The following TBCEL variants were observed in gnomAD, a reference collection of about 807,000 sequenced individuals.
The protein encoded by TBCEL is tubulin folding cofactor E like, also known as tubulin-specific chaperone cofactor E-like protein.
In TBCEL, 15 loss-of-function variants were observed where a neutral mutation model predicts 44.2. That is an observed-to-expected ratio of 0.34 (90% confidence interval 0.23 to 0.52). The LOEUF (loss-of-function observed/expected upper bound fraction) is 0.52, where lower values mean the gene tolerates loss of function less well. TBCEL is among the 20% of genes least tolerant of loss of function. The probability of loss-of-function intolerance (pLI) is 0.95; values close to 1 mark genes in which losing one functional copy is unlikely to be tolerated. For synonymous variants in TBCEL, 171 were observed against 185.4 expected, an observed-to-expected ratio of 0.92 and a Z score of 0.63; for missense variants, 319 against 506.3, an observed-to-expected ratio of 0.63 and a Z score of 3.55.
intron 8 of TBCEL, among the ~76,000 whole-genome samples, chr11:121,067,430 C>T (rs1945840458): frequency 6.6e-6 from 1 of 152,148 alleles, no homozygotes; most frequent in African/African-American, 2.4e-5. Context: ...TTTTTATTGC[C>T]TTCTGATAGG....
chr11:121,040,162 C>CTT (rs1003224902), intron 2 of TBCEL, among the ~76,000 whole-genome samples: 6 of 152,124 alleles, frequency 3.9e-5, no homozygotes, highest in Admixed American at 2.0e-4. Flanking sequence ...AAGCACCTCT[C>CTT]TTTCCTTTTT....
chr11:121,030,872 ATTT>A (rs67391664), intron 1 of TBCEL, among the ~76,000 whole-genome samples: 4,043 of 144,418 alleles, frequency 0.028, 187 homozygotes, highest in African/African-American at 0.094. Flanking sequence ...TATTCTTGTG[ATTT>A]TTTTTTTTTT....
intron 8 of TBCEL, among the ~76,000 whole-genome samples, chr11:121,067,961 G>A (rs1378376332): frequency 6.6e-6 from 1 of 152,164 alleles, no homozygotes; most frequent in East Asian, 1.9e-4. Flanking sequence ...TATTTCCTTT[G>A]CTGGGCCCTC....
chr11:121,027,157 A>G (rs1945061024), intron 1 of TBCEL, among the ~76,000 whole-genome samples: 1 of 152,072 alleles, frequency 6.6e-6, no homozygotes, highest in South Asian at 2.1e-4. Flanking sequence ...CTCTTTATAT[A>G]TTTTGGGCCT....
intron 8 of TBCEL, among the ~76,000 whole-genome samples, chr11:121,068,987 T>A (rs754218791): frequency 6.6e-6 from 1 of 152,162 alleles, no homozygotes; most frequent in Non-Finnish European, 1.5e-5. Context: ...TTGTTCCCTG[T>A]TGAGAATGCA....
Position 121,056,859 on chromosome 11 carries a change from C to A in TBCEL, c.713-1486C>A, listed in dbSNP as rs1945631005. ...TCCTTATTATTAAGTTTTAAGGGTT[C>A]TTTGTATATTTTGAATAACAGTTCT... On this transcript the variant is annotated intron_variant, in intron 6 of 8. Coordinates refer to ENST00000683345, the MANE Select transcript of TBCEL (RefSeq NM_001363644.2). Among the ~76,000 whole-genome samples, 3 of 151,648 alleles carry A rather than the reference C, an allele frequency of 2.0e-5. No individual in the cohort carries two copies. In the South Asian group the frequency reaches 6.2e-4, roughly 32 times the overall value.
chr11:121,041,267 C>T (rs1945327984), intron 2 of TBCEL, among the ~76,000 whole-genome samples: 1 of 152,148 alleles, frequency 6.6e-6, no homozygotes, highest in Non-Finnish European at 1.5e-5. Flanking sequence ...GCGTACTTAA[C>T]CTCAGTAGTG....
Position 121,089,664 on chromosome 11 carries a change from C to T in TBCEL, c.*2568C>T, listed in dbSNP as rs1259579143. The T allele has an allele frequency of 6.6e-6, 1 of 152,098 alleles. No individual in the cohort carries two copies. The highest frequency in any genetic ancestry group is 1.5e-5 in the Non-Finnish European group (1 of 68,006). 9.4% of individuals were successfully genotyped at this position (152,098 alleles called of 1,614,324 possible). On this transcript the variant is annotated 3_prime_UTR_variant, in exon 9 of 9. Transcript: ENST00000683345. ...GAACTAAAAGAAGGAGAGAAGAGGC[C>T]ATGGACCTTTGAGTTTACATGTTAT...
chr11:121,072,901 A>G (rs370945715), intron 8 of TBCEL, among the ~76,000 whole-genome samples: 10 of 152,142 alleles, frequency 6.6e-5, no homozygotes, highest in African/African-American at 2.2e-4. Flanking sequence ...ATCTGGCCCC[A>G]TATGGATAAT....
chr11:121,054,852 G>T (rs1945592304), intron 5 of TBCEL, 200 bp from the exon 6 acceptor site: 2 of 447,846 alleles, frequency 4.5e-6, no homozygotes, highest in Non-Finnish European at 7.5e-6. Context: ...ATCATTCTTC[G>T]CTATTTCAGT....
At chr11:121,076,198 CT>C (rs1946030283) in intron 8 of TBCEL, among the ~76,000 whole-genome samples, 1 of 151,856 alleles carries the variant, frequency 6.6e-6, no homozygotes, top group African/African-American at 2.4e-5. Flanking sequence ...TTAGGATATG[CT>C]TGTTGAAGTC....
intron 3 of TBCEL, among the ~76,000 whole-genome samples, chr11:121,046,326 G>A (rs1945429170): frequency 6.6e-6 from 1 of 152,124 alleles, no homozygotes; most frequent in Non-Finnish European, 1.5e-5. Context: ...TTAGAGATGA[G>A]ATACATTCTA....
chr11:121,042,406 C>G (rs1302028127), intron 2 of TBCEL, among the ~76,000 whole-genome samples: 1 of 152,084 alleles, frequency 6.6e-6, no homozygotes, highest in Non-Finnish European at 1.5e-5. Context: ...TGAAAAAGAA[C>G]TTTTCAACCT....
At chr11:121,028,400 A>C (rs1198418561) in intron 1 of TBCEL, among the ~76,000 whole-genome samples, 2 of 152,150 alleles carry the variant, frequency 1.3e-5, no homozygotes, top group African/African-American at 4.8e-5. Flanking sequence ...GTACTCAAAT[A>C]ACTTTTCAGC....
chr11:121,025,826 T>C (rs1945037017), intron 1 of TBCEL, among the ~76,000 whole-genome samples: 1 of 152,142 alleles, frequency 6.6e-6, no homozygotes, highest in African/African-American at 2.4e-5. Flanking sequence ...TTGACCTGTG[T>C]TTTCTGAAGG....
Position 121,087,232 on chromosome 11 carries a change from A to G in TBCEL, c.*136A>G, listed in dbSNP as rs1946232902. 1 of 967,338 alleles carries G rather than the reference A, an allele frequency of 1.0e-6. No homozygotes were observed. The allele number at this position is 967,338 out of a possible 1,614,324, so 59.9% of individuals were successfully genotyped here. ...TTTAGGTTTGGGAAGGATTTTGTATATTTTTCCCCCTGGAGTGAGTAGGGG... is the reference window on the plus strand; with the variant it reads ...TTTAGGTTTGGGAAGGATTTTGTATGTTTTTCCCCCTGGAGTGAGTAGGGG... On this transcript the variant is annotated 3_prime_UTR_variant, in exon 9 of 9. Coordinates refer to ENST00000683345, the MANE Select transcript of TBCEL (RefSeq NM_001363644.2).
chr11:121,076,583 G>A (rs949960773), intron 8 of TBCEL, among the ~76,000 whole-genome samples: 1 of 151,930 alleles, frequency 6.6e-6, no homozygotes, highest in Non-Finnish European at 1.5e-5. Context: ...ATTGTAGACA[G>A]TCATATTGTC....
intron 8 of TBCEL, among the ~76,000 whole-genome samples, chr11:121,080,900 T>C (rs1946112985): frequency 6.6e-6 from 1 of 152,182 alleles, no homozygotes; most frequent in Admixed American, 6.5e-5. Flanking sequence ...ATTAGACAGG[T>C]GTGCCATGGA....
intron 8 of TBCEL, among the ~76,000 whole-genome samples, chr11:121,064,764 A>G (rs1367538103): frequency 1.3e-4 from 20 of 152,212 alleles, no homozygotes; most frequent in Admixed American, 1.3e-3. Flanking sequence ...AACGGAGAAC[A>G]GGTAGAAGGA....
Sources: gnomAD v4.1 joint callset for allele counts (sites outside exome capture counted in the v4.1 genomes callset) on GRCh38, gnomAD v4.1.1 for gene constraint, MANE v1.5 for transcripts, NCBI Gene and HGNC (gene_info 2026-07-23, HGNC 2026-07-21) for gene names.